The following AFAP1 variants were observed in gnomAD, a reference collection of about 807,000 sequenced individuals.
AFAP1 encodes actin filament associated protein 1, also known as actin filament-associated protein 1.
AFAP1 carries 75 observed loss-of-function variants against 93.9 expected under a neutral mutation model. That is an observed-to-expected ratio of 0.80 (90% CI 0.66 to 0.97). The LOEUF is 0.97. AFAP1 is among the 50% of genes least tolerant of loss of function. The pLI is 0.00. For missense variants in AFAP1, 1,201 were observed against 1,050.8 expected (o/e 1.14, Z -1.98); for synonymous variants, 517 against 430.7 (o/e 1.20, Z -2.48).
chr4:7,902,652 T>G (rs1719181366), intron 1 of AFAP1, among the ~76,000 whole-genome samples: 1 of 152,214 alleles, frequency 6.6e-6, no homozygotes. Flanking sequence ...AATTTTCATC[T>G]GCTGGGCTTT....
At chr4:7,795,451 A>G (rs1238068514) in intron 10 of AFAP1, among the ~76,000 whole-genome samples, 72 of 97,384 alleles carry the variant, frequency 7.4e-4, no homozygotes, top group African/African-American at 3.1e-3. Flanking sequence ...TTTGAGACAG[A>G]GTCTTGCTCT....
intron 14 of AFAP1, 187 bp downstream of exon 14, chr4:7,778,575 G>T: frequency 1.6e-6 from 1 of 637,502 alleles, no homozygotes; most frequent in South Asian, 1.8e-5. Context: ...TTTACAAGCA[G>T]TCAGAAAAGC....
intron 6 of AFAP1, among the ~76,000 whole-genome samples, chr4:7,822,566 CTTCT>C (rs1219882689): frequency 4.2e-4 from 63 of 148,616 alleles, no homozygotes; most frequent in Admixed American, 9.5e-4. Flanking sequence ...AAACGGTTGT[CTTCT>C]TTCTTTTTCT....
At chr4:7,860,318 T>C (rs1408961569) in intron 3 of AFAP1, among the ~76,000 whole-genome samples, 2 of 152,086 alleles carry the variant, frequency 1.3e-5, no homozygotes, top group African/African-American at 4.8e-5. Flanking sequence ...AATATGTGCA[T>C]TATGTACTTA....
At chr4:7,800,251 G>A (rs1418956871) in intron 10 of AFAP1, among the ~76,000 whole-genome samples, 191 bp downstream of exon 10, 1 of 135,970 alleles carries the variant, frequency 7.4e-6, no homozygotes. Context: ...GTATCTCCCA[G>A]AAAAAAAACT....
rs552999497 is a variant in AFAP1, at chr4:7,903,880, G to A, written c.-2-31800C>T. Among the ~76,000 whole-genome samples, 24 of 151,812 alleles carry A rather than the reference G, an allele frequency of 1.6e-4. No individual in the cohort carries two copies. In the South Asian group the frequency reaches 4.6e-3, roughly 29 times the overall value. On this transcript the variant is annotated intron_variant, in intron 1 of 17. Coordinates refer to ENST00000420658, the MANE Select transcript of AFAP1 (RefSeq NM_001134647.2). ...TTTAAGATGGCTTCGGGTTTCAGAT[G>A]TCTGACAGCCATACTCATGTACTTC...
intron 1 of AFAP1, among the ~76,000 whole-genome samples, chr4:7,878,936 C>T (rs772292513): frequency 2.4e-4 from 37 of 152,166 alleles, no homozygotes; most frequent in Non-Finnish European, 4.9e-4. Flanking sequence ...TCATAGGTTA[C>T]GTTCAAATAA....
At chr4:7,861,500 G>A (rs1234068818) in intron 3 of AFAP1, among the ~76,000 whole-genome samples, 2 of 152,212 alleles carry the variant, frequency 1.3e-5, no homozygotes, top group Admixed American at 6.5e-5. Flanking sequence ...TCACTGTTAA[G>A]TCTGCATTCC....
chr4:7,847,300 C>T (rs1009858486), intron 4 of AFAP1, among the ~76,000 whole-genome samples: 5 of 151,370 alleles, frequency 3.3e-5, no homozygotes, highest in Admixed American at 1.3e-4. Flanking sequence ...GAGAACTCTC[C>T]GGAAAGTATG....
rs778156499 is a variant in AFAP1 at position 7,800,585 on chromosome 4, T to C, written c.1123A>G (p.Ile375Val). The C allele has an allele frequency of 1.9e-6, 3 of 1,614,098 alleles. No individual in the cohort carries two copies. Among genetic ancestry groups the C allele is most frequent in the Admixed American group, 3.3e-5 (2 of 60,018 alleles). ...RWCRVKDNKL[I>V]FHKDRTDLKT... ...AGGTCGGTCCTGTCCTTGTGGAAAA[T>C]GAGCTTGTTATCTTTCACTCGGCAC... The change falls in exon 10 of 18, where the codon ATT becomes GTT. Residue 375 changes from isoleucine to valine, a missense_variant. Transcript: ENST00000420658.
chr4:7,804,479 ATG>A (rs765945436), intron 9 of AFAP1, among the ~76,000 whole-genome samples: 4 of 5,576 alleles, frequency 7.2e-4, no homozygotes, highest in East Asian at 9.6e-3. Context: ...CAAGAGGATC[ATG>A]CTAGAAATAG....
Position 7,760,108 on chromosome 4 carries a change from C to T in AFAP1, c.*3657G>A, listed in dbSNP as rs1057223081. On this transcript the variant is annotated 3_prime_UTR_variant, in exon 18 of 18. Transcript: ENST00000420658. ...CCAGCTTCGACGCTGCCCTTTGAGT[C>T]CCGTGCACAAGCACCAAACTGTGGC... 6.6e-6 allele frequency: 1 copy of T among 152,246 alleles called. No homozygotes were observed. The highest frequency in any genetic ancestry group is 1.5e-5 in the Non-Finnish European group (1 of 68,042). The allele number at this position is 152,246 out of a possible 1,614,324, so 9.4% of individuals were successfully genotyped here. A position where few individuals can be genotyped will look rare whatever the true frequency, so the allele number is the denominator to read the frequency against.
chr4:7,773,104 A>G, intron 15 of AFAP1, 94 bp from the exon 16 acceptor site: 1 of 1,480,944 alleles, frequency 6.8e-7, no homozygotes. Context: ...ACTTCCACAA[A>G]ACGTCTGAGG....
At chr4:7,935,008 T>C (rs1030582830) in intron 1 of AFAP1, among the ~76,000 whole-genome samples, 2 of 152,144 alleles carry the variant, frequency 1.3e-5, no homozygotes, top group African/African-American at 4.8e-5. Context: ...CCAAAAATGC[T>C]AAAATATAAA....
chr4:7,902,186 G>A (rs1719153703), intron 1 of AFAP1, among the ~76,000 whole-genome samples: 1 of 152,140 alleles, frequency 6.6e-6, no homozygotes, highest in African/African-American at 2.4e-5. Flanking sequence ...GCTGGTTAGG[G>A]GACAGATAAT....
intron 6 of AFAP1, among the ~76,000 whole-genome samples, chr4:7,831,738 C>CT (rs528186334): frequency 4.9e-4 from 74 of 152,238 alleles, no homozygotes; most frequent in African/African-American, 1.6e-3. Context: ...TCAGAGCGGC[C>CT]TTTTTTGGGT....
chr4:7,786,226 G>A lies in AFAP1; in HGVS notation c.1498C>T (p.His500Tyr). 6.2e-7 allele frequency: 1 copy of A among 1,614,204 alleles called. No homozygotes were observed. Among genetic ancestry groups the A allele is most frequent in the Non-Finnish European group, 8.5e-7 (1 of 1,180,028 alleles). ...TTGATGCACGGGACATCGTCATAAT[G>A]AAGTGCCGTCCCGCTGGGGTGGGCA... Reference protein sequence around the residue: ...GYAHPSGTALHYDDVPCINGS... With the variant: ...GYAHPSGTALYYDDVPCINGS... The change falls in exon 12 of 18, where the codon CAT (histidine) becomes TAT (tyrosine). Residue 500 changes from histidine to tyrosine, a missense_variant. Coordinates refer to ENST00000420658, the MANE Select transcript of AFAP1 (RefSeq NM_001134647.2).
chr4:7,778,723 CT>C, intron 14 of AFAP1, 38 bp downstream of exon 14: 3 of 1,594,520 alleles, frequency 1.9e-6, no homozygotes, highest in Non-Finnish European at 2.6e-6. Context: ...ACCAAGTGCA[CT>C]TGAAGCCGGA....
chr4:7,787,957 GC>G (rs148090986), intron 11 of AFAP1, among the ~76,000 whole-genome samples: 6 of 152,042 alleles, frequency 3.9e-5, no homozygotes, highest in Non-Finnish European at 1.5e-5. Context: ...CGTGGGTGCT[GC>G]CCCCCAGGAG....
Sources: gnomAD v4.1 joint callset for allele counts (sites outside exome capture counted in the v4.1 genomes callset) on GRCh38, gnomAD v4.1.1 for gene constraint, MANE v1.5 for transcripts, NCBI Gene and HGNC (gene_info 2026-07-23, HGNC 2026-07-21) for gene names.